Variants in AGBL4 observed in about 807,000 individuals in gnomAD.
AGBL4 encodes cytosolic carboxypeptidase 6.
Under a neutral mutation model 66.4 loss-of-function variants are expected in AGBL4, and 58 were observed. The observed-to-expected ratio is 0.87, with a 90% CI of 0.71 to 1.09. AGBL4 has a LOEUF of 1.09. AGBL4 is among the 50% of genes least tolerant of loss of function. AGBL4 has a pLI of 0.00. For synonymous variants in AGBL4, 234 were observed against 222.9 expected (o/e 1.05, Z -0.44); for missense variants, 579 against 631.0 (o/e 0.92, Z 0.88).
rs145949973 is a variant in AGBL4 at position 49,207,614 on chromosome 1, T to C, written c.377+38156A>G. On this transcript the variant is annotated intron_variant, in intron 4 of 13. Coordinates refer to ENST00000371839, the MANE Select transcript of AGBL4 (RefSeq NM_032785.4). ...TCTTTCTTTCTTTCTTCTTTTTATTTTCAAGGTCTCATTCTGTTGCACAGG... is the reference window on the plus strand; with the variant it reads ...TCTTTCTTTCTTTCTTCTTTTTATTCTCAAGGTCTCATTCTGTTGCACAGG... 5.2e-3 allele frequency among the ~76,000 whole-genome samples: 548 copies of C among 104,848 alleles called. 8 individuals are homozygous for C. Among genetic ancestry groups the C allele is most frequent in the East Asian group, 0.019 (55 of 2,964 alleles). The allele number at this position is 104,848 out of a possible 152,430, so 68.8% of individuals were successfully genotyped here.
intron 4 of AGBL4, among the ~76,000 whole-genome samples, chr1:49,086,685 C>T (rs1254037364): frequency 6.6e-6 from 1 of 151,870 alleles, no homozygotes; most frequent in Non-Finnish European, 1.5e-5. Flanking sequence ...CTCCACTCAC[C>T]CTTGCCTCTT....
chr1:48,578,747 C>T (rs533802921), intron 11 of AGBL4, among the ~76,000 whole-genome samples: 72 of 152,286 alleles, frequency 4.7e-4, no homozygotes, highest in Non-Finnish European at 8.7e-4. Flanking sequence ...GGCCTGCTTC[C>T]ACTTCATTCA....
intron 3 of AGBL4, among the ~76,000 whole-genome samples, chr1:49,543,006 C>T (rs1176054443): frequency 6.6e-6 from 1 of 150,466 alleles, no homozygotes; most frequent in Non-Finnish European, 1.5e-5. Flanking sequence ...AGATGATTGG[C>T]ATATGGCTAA....
At position 49,509,501 on chromosome 1, in the gene AGBL4, A is replaced by T. The variant is rs964363174; in HGVS notation, c.282+187812T>A. Among the ~76,000 whole-genome samples the T allele has an allele frequency of 2.6e-5, 4 of 151,898 alleles. No homozygotes were observed. The South Asian group carries it at 6.2e-4, about 24-fold the overall frequency. On this transcript the variant is annotated intron_variant, in intron 3 of 13. Coordinates refer to ENST00000371839, the MANE Select transcript of AGBL4 (RefSeq NM_032785.4). ...AAAACATGTGTCTCTTATTCCAAAG[A>T]CCACTCTTTATAACTAATGAGTAGT...
chr1:48,566,985 C>T (rs927303894), intron 11 of AGBL4, among the ~76,000 whole-genome samples: 5 of 152,170 alleles, frequency 3.3e-5, no homozygotes, highest in African/African-American at 7.2e-5. Context: ...TAAAAAACTG[C>T]ATGAGTCAAT....
At chr1:49,035,242 G>A (rs1434050339) in intron 5 of AGBL4, among the ~76,000 whole-genome samples, 1 of 152,098 alleles carries the variant, frequency 6.6e-6, no homozygotes, top group Non-Finnish European at 1.5e-5. Flanking sequence ...TGTTACCAGT[G>A]GAAGGTATCC....
chr1:48,578,575 G>A (rs1644688939), intron 11 of AGBL4, among the ~76,000 whole-genome samples: 1 of 152,058 alleles, frequency 6.6e-6, no homozygotes, highest in Non-Finnish European at 1.5e-5. Context: ...CTACTCTTCT[G>A]TCCTCCACCG....
At chr1:49,555,481 G>A (rs539783895) in intron 3 of AGBL4, among the ~76,000 whole-genome samples, 25 of 150,478 alleles carry the variant, frequency 1.7e-4, no homozygotes, top group African/African-American at 5.8e-4. Flanking sequence ...GTGCTGATGG[G>A]TGCTTTTGTG....
chr1:49,852,624 C>T (rs1420919398), intron 1 of AGBL4, among the ~76,000 whole-genome samples: 1 of 152,070 alleles, frequency 6.6e-6, no homozygotes, highest in Non-Finnish European at 1.5e-5. Flanking sequence ...AACTTATCAC[C>T]TGAGTGCAAA....
intron 1 of AGBL4, among the ~76,000 whole-genome samples, chr1:49,970,707 A>AC (rs1205985123): frequency 0.022 from 1,950 of 88,690 alleles, 58 homozygotes; most frequent in African/African-American, 0.065. Flanking sequence ...AAAAAAAACA[A>AC]AACACACACA....
Position 49,697,452 on chromosome 1 carries a change from T to C in AGBL4, c.158-15A>G, listed in dbSNP as rs1647008894. 2 of 1,494,440 alleles carry C rather than the reference T, an allele frequency of 1.3e-6. No homozygotes were observed. The highest frequency in any genetic ancestry group is 1.8e-6 in the Non-Finnish European group (2 of 1,104,824). The allele number at this position is 1,494,440 out of a possible 1,614,324, so 92.6% of individuals were successfully genotyped here. A position where few individuals can be genotyped will look rare whatever the true frequency, so the allele number is the denominator to read the frequency against. On this transcript the variant is annotated splice_polypyrimidine_tract_variant and intron_variant, in intron 2 of 13. Transcript: ENST00000371839. ...GCCCAGGTTACCTGGTAATAAAAAT[T>C]AAGAGAATTGGATTTTAATAGAAGT...
intron 9 of AGBL4, among the ~76,000 whole-genome samples, chr1:48,622,609 G>A (rs1029530810): frequency 6.8e-6 from 1 of 147,824 alleles, no homozygotes; most frequent in Non-Finnish European, 1.5e-5. Flanking sequence ...TCAGCCTCCC[G>A]AGTAGCTGGG....
At chr1:48,850,080 T>C (rs1647000509) in intron 6 of AGBL4, among the ~76,000 whole-genome samples, 1 of 152,244 alleles carries the variant, frequency 6.6e-6, no homozygotes, top group Non-Finnish European at 1.5e-5. Flanking sequence ...GCAGCCCCTG[T>C]CTGGGCTTCA....
intron 2 of AGBL4, among the ~76,000 whole-genome samples, chr1:49,743,567 G>A (rs1165191167): frequency 3.3e-5 from 5 of 152,034 alleles, no homozygotes; most frequent in Non-Finnish European, 7.4e-5. Flanking sequence ...ATACCCAAAG[G>A]ATTATAAATC....
At chr1:49,506,839 C>T (rs1468067274) in intron 3 of AGBL4, among the ~76,000 whole-genome samples, 2 of 152,010 alleles carry the variant, frequency 1.3e-5, no homozygotes, top group Non-Finnish European at 2.9e-5. Flanking sequence ...TTTTTATTCA[C>T]AGGCCATACA....
At chr1:49,751,594 A>G (rs1160585021) in intron 2 of AGBL4, among the ~76,000 whole-genome samples, 1 of 152,100 alleles carries the variant, frequency 6.6e-6, no homozygotes, top group East Asian at 1.9e-4. Context: ...GCTGGCCTCA[A>G]AAAATGAATT....
intron 3 of AGBL4, among the ~76,000 whole-genome samples, chr1:49,250,783 T>G (rs2148336827): frequency 6.6e-6 from 1 of 151,934 alleles, no homozygotes; most frequent in African/African-American, 2.4e-5. Context: ...GGGAATGGAG[T>G]CACCCACTCT....
intron 6 of AGBL4, among the ~76,000 whole-genome samples, chr1:48,713,376 G>T (rs906202530): frequency 6.6e-6 from 1 of 152,158 alleles, no homozygotes; most frequent in Non-Finnish European, 1.5e-5. Flanking sequence ...CAGTCAGGAG[G>T]ACTATGAAGC....
intron 3 of AGBL4, among the ~76,000 whole-genome samples, chr1:49,692,967 C>A (rs1352483401): frequency 6.6e-6 from 1 of 152,084 alleles, no homozygotes; most frequent in Non-Finnish European, 1.5e-5. Context: ...AAAATAATAA[C>A]TCTATCTGTT....
Sources: allele counts gnomAD v4.1 joint callset (sites outside exome capture counted in the v4.1 genomes callset), GRCh38; gene constraint gnomAD v4.1.1; transcripts MANE v1.5; gene names NCBI Gene and HGNC (gene_info 2026-07-23, HGNC 2026-07-21).